PRELID2: variants seen among roughly 807,000 people sequenced by gnomAD.
The protein encoded by PRELID2 is PRELI domain-containing protein 2.
In PRELID2, 25 loss-of-function variants were observed where a neutral mutation model predicts 28.4. The observed-to-expected ratio is 0.88, with a 90% CI of 0.64 to 1.23. The LOEUF is 1.23. Ranked by LOEUF, PRELID2 falls within the 50% of genes most tolerant of loss-of-function variation. The pLI, the probability that PRELID2 is intolerant of heterozygous loss-of-function variation, is 0.00. For synonymous variants in PRELID2, 76 were observed against 71.6 expected, an observed-to-expected ratio of 1.06 and a Z score of -0.31; for missense variants, 201 against 214.4, an observed-to-expected ratio of 0.94 and a Z score of 0.39.
chr5:145,829,467 C>G (rs374827121), intron 1 of PRELID2, among the ~76,000 whole-genome samples: 1 of 152,138 alleles, frequency 6.6e-6, no homozygotes, highest in Admixed American at 6.5e-5. Flanking sequence ...TTTAAAGGAG[C>G]CTGCTGTGTG....
intron 1 of PRELID2, among the ~76,000 whole-genome samples, chr5:145,740,761 TATAA>T (rs1179873060): frequency 4.2e-5 from 5 of 118,270 alleles, no homozygotes; most frequent in Non-Finnish European, 6.5e-5. Context: ...TATATTTATG[TATAA>T]ATATATAATA....
chr5:145,706,067 G>A (rs1429693223), intron 1 of PRELID2, among the ~76,000 whole-genome samples: 1 of 151,872 alleles, frequency 6.6e-6, no homozygotes, highest in Non-Finnish European at 1.5e-5. Flanking sequence ...TTGTAGCATA[G>A]GCATATATTA....
At chr5:145,545,526 C>G (rs10044220) in intron 1 of PRELID2, among the ~76,000 whole-genome samples, 44,721 of 151,854 alleles carry the variant, frequency 0.29, 8,786 homozygotes, top group African/African-American at 0.57. Context: ...GCTCCTTCCA[C>G]CTGTGGTCAA....
At chr5:145,460,517 A>G in the PRELID2 span, among the ~76,000 whole-genome samples, 1 of 152,194 alleles carries the variant, frequency 6.6e-6, no homozygotes, top group Non-Finnish European at 1.5e-5. Flanking sequence ...CCCTGGCCCT[A>G]GATCCAACTT....
chr5:145,716,786 T>C (rs930456407), intron 1 of PRELID2, among the ~76,000 whole-genome samples: 2 of 152,222 alleles, frequency 1.3e-5, no homozygotes, highest in African/African-American at 4.8e-5. Context: ...GAGTTTGCTA[T>C]GTGCCTGGCA....
intron 5 of PRELID2, chr5:145,795,156 T>C (rs1241661373): frequency 6.6e-6 from 1 of 152,248 alleles, no homozygotes; most frequent in East Asian, 1.9e-4. Flanking sequence ...GTAAGAAACA[T>C]GGCAATGAAA....
rs574814329 is a variant in PRELID2 at position 145,522,807 on chromosome 5, G to A, written n.71-49492C>T. 5.3e-4 allele frequency among the ~76,000 whole-genome samples: 81 copies of A among 151,756 alleles called. No homozygotes were observed. In the Middle Eastern group the frequency reaches 0.01, roughly 19 times the overall value. ...AGAAGGAAGAAGAGGAGGAGGATGA[G>A]AGGGGGAGGAGGAGTAGGAGAAGAA... On this transcript the variant is annotated intron_variant and non_coding_transcript_variant, in intron 1 of 2. Transcript: ENST00000510259.
chr5:145,355,772 T>C, the PRELID2 span, among the ~76,000 whole-genome samples: 3 of 152,120 alleles, frequency 2.0e-5, no homozygotes, highest in Admixed American at 6.6e-5. Flanking sequence ...AAATAAACAG[T>C]CTAACCTCTT....
chr5:145,625,384 A>G (rs1027769715), intron 1 of PRELID2, among the ~76,000 whole-genome samples: 2 of 152,170 alleles, frequency 1.3e-5, no homozygotes, highest in African/African-American at 4.8e-5. Flanking sequence ...TATAGCAATG[A>G]AAATGAATGA....
Position 145,495,196 on chromosome 5 carries a change from T to C in PRELID2, n.71-21881A>G, listed in dbSNP as rs556083821. 1.3e-3 allele frequency among the ~76,000 whole-genome samples: 205 copies of C among 152,296 alleles called. 2 individuals carry two copies. The highest frequency in any genetic ancestry group is 0.01 in the Middle Eastern group (3 of 294). On this transcript the variant is annotated intron_variant and non_coding_transcript_variant, in intron 1 of 2. Coordinates refer to the PRELID2 transcript ENST00000510259. ...CACTTCTCAACTAACCTGGCCTCTC[T>C]GTACTTATGGGCACAGTCTCTCAGC... is the stretch of plus-strand genomic sequence containing the variant.
intron 1 of PRELID2, among the ~76,000 whole-genome samples, chr5:145,668,478 T>A (rs1581040819): frequency 6.6e-6 from 1 of 152,010 alleles, no homozygotes; most frequent in African/African-American, 2.4e-5. Flanking sequence ...TTTATTTGCT[T>A]CCAAACAGTC....
chr5:145,786,913 T>C (rs1162644766), intron 5 of PRELID2, among the ~76,000 whole-genome samples: 1 of 152,214 alleles, frequency 6.6e-6, no homozygotes, highest in Non-Finnish European at 1.5e-5. Context: ...AGCTGTAGCA[T>C]GTCTAGGCCA....
At chr5:145,780,794 T>A (rs1397246875) in intron 5 of PRELID2, among the ~76,000 whole-genome samples, 1 of 152,122 alleles carries the variant, frequency 6.6e-6, no homozygotes, top group Non-Finnish European at 1.5e-5. Context: ...ATTGAGGAAA[T>A]TTTAATTATA....
At chr5:145,532,051 G>C (rs1199851194) in intron 1 of PRELID2, among the ~76,000 whole-genome samples, 1 of 152,122 alleles carries the variant, frequency 6.6e-6, no homozygotes, top group Non-Finnish European at 1.5e-5. Flanking sequence ...CTGGCTTGTA[G>C]TAACAGCTCA....
At chr5:145,298,634 A>G in the PRELID2 span, among the ~76,000 whole-genome samples, 1 of 152,020 alleles carries the variant, frequency 6.6e-6, no homozygotes, top group Non-Finnish European at 1.5e-5. Context: ...CTGCCATGTG[A>G]TGATGCAGCA....
chr5:145,395,517 G>C, the PRELID2 span, among the ~76,000 whole-genome samples: 2 of 152,152 alleles, frequency 1.3e-5, no homozygotes, highest in African/African-American at 4.8e-5. Context: ...AACAAGCCGG[G>C]AGTAGTGCAA....
At chr5:145,737,927 C>T (rs1305680378) in intron 1 of PRELID2, among the ~76,000 whole-genome samples, 1 of 152,178 alleles carries the variant, frequency 6.6e-6, no homozygotes, top group Admixed American at 6.6e-5. Flanking sequence ...GAAGGAGATA[C>T]CTCTTTCCTG....
At chr5:145,453,508 G>C in the PRELID2 span, among the ~76,000 whole-genome samples, 2 of 152,052 alleles carry the variant, frequency 1.3e-5, no homozygotes. Flanking sequence ...TACATGTGCA[G>C]AACGTGCAGG....
the PRELID2 span, among the ~76,000 whole-genome samples, chr5:145,334,335 A>T: frequency 6.6e-6 from 1 of 152,200 alleles, no homozygotes; most frequent in Non-Finnish European, 1.5e-5. Flanking sequence ...CAATCACATA[A>T]AAAACTCTAC....
Sources: gnomAD v4.1 joint callset for allele counts (sites outside exome capture counted in the v4.1 genomes callset) on GRCh38, gnomAD v4.1.1 for gene constraint, MANE v1.5 for transcripts, NCBI Gene and HGNC (gene_info 2026-07-23, HGNC 2026-07-21) for gene names.